The following FAM120B variants were observed in gnomAD, a reference collection of about 807,000 sequenced individuals.
FAM120B encodes the protein family with sequence similarity 120 member B.
FAM120B carries 83 observed loss-of-function variants against 96.3 expected under a neutral mutation model. The observed-to-expected ratio is 0.86, with a 90% CI of 0.72 to 1.03. The LOEUF is 1.03. Ranked by LOEUF, FAM120B falls within the 50% of genes least tolerant of loss-of-function variation. The probability of loss-of-function intolerance (pLI) is 0.00; values close to 1 mark genes in which losing one functional copy is unlikely to be tolerated. For synonymous variants in FAM120B, 407 were observed against 402.7 expected (o/e 1.01, Z -0.13); for missense variants, 1,027 against 1,121.2 (o/e 0.92, Z 1.20).
At chr6:170,348,061 T>A in intron 4 of FAM120B, 90 bp from the exon 5 acceptor site, 1 of 1,038,344 alleles carries the variant, frequency 9.6e-7, no homozygotes, top group Non-Finnish European at 1.4e-6. Flanking sequence ...AGGGAAGAGA[T>A]TTGTTTCCTT....
At chr6:170,376,815 G>A (rs1789551466) in intron 6 of FAM120B, among the ~76,000 whole-genome samples, 1 of 152,230 alleles carries the variant, frequency 6.6e-6, no homozygotes, top group African/African-American at 2.4e-5. Flanking sequence ...AGAAATAGAA[G>A]TCTGAGTGCT....
intron 9 of FAM120B, among the ~76,000 whole-genome samples, chr6:170,396,455 T>C (rs952058049): frequency 3.3e-5 from 5 of 152,270 alleles, no homozygotes; most frequent in Non-Finnish European, 7.3e-5. Context: ...GGTGAATGTT[T>C]TTGAAATGCC....
chr6:170,341,496 G>A (rs1786825216), intron 4 of FAM120B, among the ~76,000 whole-genome samples: 1 of 152,152 alleles, frequency 6.6e-6, no homozygotes, highest in Non-Finnish European at 1.5e-5. Flanking sequence ...CCTTTCCAGG[G>A]GAGTGACAGT....
intron 9 of FAM120B, among the ~76,000 whole-genome samples, chr6:170,401,853 G>C (rs183094946): frequency 6.6e-6 from 1 of 152,228 alleles, no homozygotes; most frequent in Non-Finnish European, 1.5e-5. Flanking sequence ...ACTACTTCTG[G>C]TTCCAAGCAT....
In FAM120B at chr6:170,359,828, A is replaced by G. The variant is rs572484789; in HGVS notation, c.2283+1510A>G. Reference sequence around the variant, plus strand: ...ACAATGCCAGATTTTTTTTTGTATTAGAAATTTCATAGCATCAGTATCCAA... The same window carrying G: ...ACAATGCCAGATTTTTTTTTGTATTGGAAATTTCATAGCATCAGTATCCAA... On this transcript the variant is annotated intron_variant, in intron 6 of 10. Coordinates refer to ENST00000476287, the MANE Select transcript of FAM120B (RefSeq NM_032448.3). Among the ~76,000 whole-genome samples the G allele has an allele frequency of 3.6e-4, 55 of 152,336 alleles. 1 individual carries two copies. The South Asian group carries it at 0.011, about 30-fold the overall frequency.
At chr6:170,358,418 A>G (rs1272147211) in intron 6 of FAM120B, 100 bp downstream of exon 6, 1 of 885,266 alleles carries the variant, frequency 1.1e-6, no homozygotes, top group African/African-American at 1.7e-5. Context: ...AAAGATCAGG[A>G]AGGTATTTTA....
intron 6 of FAM120B, among the ~76,000 whole-genome samples, chr6:170,365,807 G>C (rs1788753962): frequency 6.6e-6 from 1 of 151,900 alleles, no homozygotes; most frequent in Non-Finnish European, 1.5e-5. Context: ...GGCTCTGCTG[G>C]AATCACGGAA....
intron 7 of FAM120B, 95 bp from the exon 8 acceptor site, chr6:170,390,917 TG>T: frequency 1.1e-6 from 1 of 948,874 alleles, no homozygotes; most frequent in Non-Finnish European, 1.7e-6. Flanking sequence ...GGGAACAGTG[TG>T]GAAGGGTGTC....
Position 170,404,775 on chromosome 6 carries a change from G to A in FAM120B, c.*24G>A, listed in dbSNP as rs1778745521. 1 of 609,890 alleles carries A rather than the reference G, an allele frequency of 1.6e-6. No homozygotes were observed. Among genetic ancestry groups the A allele is most frequent in the African/African-American group, 1.9e-5 (1 of 53,778 alleles). 37.8% of individuals were successfully genotyped at this position (609,890 alleles called of 1,614,324 possible). A position where few individuals can be genotyped will look rare whatever the true frequency, so the allele number is the denominator to read the frequency against. Reference sequence around the variant, plus strand: ...TTGCTTCCTCCAGAAAGAGTATGGAGAGAAAAAGAGGCACACCTGGACGCA... The same window carrying A: ...TTGCTTCCTCCAGAAAGAGTATGGAAAGAAAAAGAGGCACACCTGGACGCA... On this transcript the variant is annotated 3_prime_UTR_variant, in exon 11 of 11. Transcript: ENST00000476287.
intron 5 of FAM120B, among the ~76,000 whole-genome samples, chr6:170,350,505 G>A (rs995009902): frequency 6.6e-6 from 1 of 152,176 alleles, no homozygotes; most frequent in African/African-American, 2.4e-5. Flanking sequence ...TCCCAGTAGG[G>A]GTCTCCAGCC....
intron 2 of FAM120B, among the ~76,000 whole-genome samples, chr6:170,320,033 T>C (rs1270096623): frequency 6.6e-6 from 1 of 152,222 alleles, no homozygotes; most frequent in Non-Finnish European, 1.5e-5. Context: ...TTAGATCTTC[T>C]CAACAGCCCT....
At chr6:170,373,833 A>G (rs1291280523) in intron 6 of FAM120B, among the ~76,000 whole-genome samples, 1 of 152,256 alleles carries the variant, frequency 6.6e-6, no homozygotes, top group Non-Finnish European at 1.5e-5. Flanking sequence ...CCAGACCTCC[A>G]GAAGCACAGG....
At chr6:170,388,790 T>A (rs1449526703) in intron 7 of FAM120B, among the ~76,000 whole-genome samples, 2 of 152,204 alleles carry the variant, frequency 1.3e-5, no homozygotes, top group Admixed American at 6.5e-5. Flanking sequence ...GGTTAAGGGC[T>A]CCAAATCCTT....
At chr6:170,377,317 A>G (rs1262030388) in intron 6 of FAM120B, among the ~76,000 whole-genome samples, 60 of 141,052 alleles carry the variant, frequency 4.3e-4, no homozygotes, top group Non-Finnish European at 5.5e-4. Flanking sequence ...CCGGGAGAAC[A>G]CAGGCTCACG....
Position 170,318,291 on chromosome 6 carries a change from A to G in FAM120B, c.901A>G (p.Met301Val), listed in dbSNP as rs1248609538. 4.3e-6 allele frequency: 7 copies of G among 1,614,048 alleles called. No homozygotes were observed. The highest frequency in any genetic ancestry group is 1.3e-5 in the African/African-American group (1 of 74,952). Residue 301 changes from methionine (M) to valine (V), a missense_variant, in exon 2 of 11, where the codon ATG becomes GTG. Transcript: ENST00000476287. ...AAACAAAGCTCTTTTTTATAAAGGA[A>G]TGGCATCATATCTTTTACCAGGACA... ...GPNKALFYKG[M>V]ASYLLPGQKS...
In FAM120B at chr6:170,388,439, G is replaced by A; in HGVS notation, c.2436G>A (p.Gln812=). 6.2e-7 allele frequency: 1 copy of A among 1,614,158 alleles called. No individual in the cohort carries two copies. Among genetic ancestry groups the A allele is most frequent in the Non-Finnish European group, 8.5e-7 (1 of 1,180,008 alleles). ...TATTTGACGGGAAGCTTTTTCATCA[G>A]AAGTACTTGCAATCTGAAAAGGGTT... ...WNVFDGKLFH[Q]KYLQSEKGYA... is the part of the protein sequence containing the mutation. Residue 812 remains glutamine (Q), a synonymous_variant, in exon 7 of 11, where the codon CAG becomes CAA. Transcript: ENST00000476287.
Position 170,387,266 on chromosome 6 carries a change from C to T in FAM120B, c.2284-1021C>T, listed in dbSNP as rs1170840761. Among the ~76,000 whole-genome samples, 6 of 152,198 alleles carry T rather than the reference C, an allele frequency of 3.9e-5. 1 individual carries two copies. The highest frequency in any genetic ancestry group is 8.8e-5 in the Non-Finnish European group (6 of 68,032). On this transcript the variant is annotated intron_variant, in intron 6 of 10. Coordinates refer to ENST00000476287, the MANE Select transcript of FAM120B (RefSeq NM_032448.3). The stretch of plus-strand genomic sequence containing the variant: ...TCTCGGATAATCTCAGTTCATGATA[C>T]GTTTCTTACAGTGGTGAGCAAGGTT...
At chr6:170,319,342 A>G (rs1785143408) in intron 2 of FAM120B, among the ~76,000 whole-genome samples, 1 of 152,244 alleles carries the variant, frequency 6.6e-6, no homozygotes, top group South Asian at 2.1e-4. Flanking sequence ...CTATAAGAAT[A>G]CAAGAGAGAA....
chr6:170,400,112 G>A (rs540210804), intron 9 of FAM120B, among the ~76,000 whole-genome samples: 31 of 151,536 alleles, frequency 2.0e-4, no homozygotes, highest in African/African-American at 7.0e-4. Context: ...GAGAAAGGTA[G>A]AACTATGTCA....
Sources: allele counts gnomAD v4.1 joint callset (sites outside exome capture counted in the v4.1 genomes callset), GRCh38; gene constraint gnomAD v4.1.1; transcripts MANE v1.5; gene names NCBI Gene and HGNC (gene_info 2026-07-23, HGNC 2026-07-21).